The following ADAMTSL1 variants were observed in gnomAD, a reference collection of about 807,000 sequenced individuals.
The protein encoded by ADAMTSL1 is ADAMTS-like protein 1.
ADAMTSL1 carries 126 observed loss-of-function variants against 201.8 expected under a neutral mutation model. That is an observed-to-expected ratio of 0.62 (90% CI 0.54 to 0.72). ADAMTSL1 has a LOEUF of 0.72. Ranked by LOEUF, ADAMTSL1 falls within the 30% of genes least tolerant of loss-of-function variation. ADAMTSL1 has a pLI of 0.00. For synonymous variants in ADAMTSL1, 1,121 were observed against 903.4 expected (o/e 1.24, Z -4.32); for missense variants, 2,679 against 2,277.8 (o/e 1.18, Z -3.59).
At chr9:18,555,835 T>TA (rs1821077905) in intron 3 of ADAMTSL1, among the ~76,000 whole-genome samples, 4 of 151,726 alleles carry the variant, frequency 2.6e-5, no homozygotes, top group Admixed American at 2.6e-4. Context: ...TGGTAACAAA[T>TA]ACGAAGAAAA....
In ADAMTSL1 at chr9:18,770,719, T is replaced by G. The variant is rs575933116; in HGVS notation, c.2335T>G (p.Cys779Gly). The G allele has an allele frequency of 6.2e-7, 1 of 1,613,914 alleles. No individual in the cohort carries two copies. Among genetic ancestry groups the G allele is most frequent in the African/African-American group, 1.3e-5 (1 of 75,034 alleles). ...CTTCTGTTCAGCTTCAAAACCTGCC[T>G]GCCAGCAAGCATGCAAGAAAGATGA... is the stretch of plus-strand genomic sequence containing the variant. ...ETFCSASKPA[C>G]QQACKKDDCP... Residue 779 changes from cysteine (C) to glycine (G), a missense_variant, in exon 17 of 29, where the codon TGC (cysteine) becomes GGC (glycine). By Grantham distance (159) the Cys-to-Gly change is radical (BLOSUM62 -3). Transcript: ENST00000380548.
At chr9:17,930,863 T>A (rs965282890) in intron 1 of ADAMTSL1, among the ~76,000 whole-genome samples, 2 of 152,188 alleles carry the variant, frequency 1.3e-5, no homozygotes, top group African/African-American at 4.8e-5. Context: ...CAGGCTCTTG[T>A]GTAGCTGTAT....
intron 2 of ADAMTSL1, among the ~76,000 whole-genome samples, chr9:18,443,367 C>T (rs1820070390): frequency 6.6e-6 from 1 of 152,156 alleles, no homozygotes; most frequent in South Asian, 2.1e-4. Flanking sequence ...CTTTCTCCTT[C>T]AGTGTATAAT....
At chr9:18,518,863 A>G (rs533289729) in intron 2 of ADAMTSL1, among the ~76,000 whole-genome samples, 3 of 152,292 alleles carry the variant, frequency 2.0e-5, no homozygotes, top group Admixed American at 2.0e-4. Flanking sequence ...ATGCGCCATG[A>G]TACCTGGCTA....
At chr9:18,475,020 T>A (rs575690075) in intron 1 of ADAMTSL1, among the ~76,000 whole-genome samples, 1 of 152,206 alleles carries the variant, frequency 6.6e-6, no homozygotes, top group Non-Finnish European at 1.5e-5. Context: ...TTGTGACTCA[T>A]ACTTGGTTTT....
intron 23 of ADAMTSL1, among the ~76,000 whole-genome samples, chr9:18,853,017 C>T (rs575332765): frequency 2.0e-5 from 3 of 152,286 alleles, no homozygotes; most frequent in African/African-American, 7.2e-5. Flanking sequence ...TTCTTTGCTA[C>T]ACACTGAAAT....
chr9:17,952,936 C>T (rs1025715767), intron 1 of ADAMTSL1, among the ~76,000 whole-genome samples: 6 of 150,814 alleles, frequency 4.0e-5, no homozygotes, highest in African/African-American at 1.5e-4. Flanking sequence ...TCCTCCTCCT[C>T]CTCCTCCTCC....
intron 1 of ADAMTSL1, among the ~76,000 whole-genome samples, chr9:18,129,836 TAG>T (rs1825876443): frequency 1.3e-5 from 2 of 152,138 alleles, no homozygotes; most frequent in African/African-American, 2.4e-5. Context: ...AACAAGGAAG[TAG>T]CCTGAGGTCA....
intron 4 of ADAMTSL1, among the ~76,000 whole-genome samples, chr9:18,595,042 A>G (rs1027959754): frequency 6.6e-6 from 1 of 152,176 alleles, no homozygotes; most frequent in Non-Finnish European, 1.5e-5. Flanking sequence ...AGGATGTTCC[A>G]AGCCCTATCT....
At chr9:18,367,958 G>C (rs1291131907) in intron 2 of ADAMTSL1, among the ~76,000 whole-genome samples, 2 of 152,014 alleles carry the variant, frequency 1.3e-5, no homozygotes, top group Non-Finnish European at 2.9e-5. Context: ...GGAGTGCAGT[G>C]GCGCGATCTC....
At chr9:18,449,730 A>G (rs1041373693) in intron 2 of ADAMTSL1, among the ~76,000 whole-genome samples, 4 of 152,232 alleles carry the variant, frequency 2.6e-5, no homozygotes, top group Non-Finnish European at 5.9e-5. Flanking sequence ...TAAACAGAAA[A>G]TAGATACAGA....
At chr9:18,474,975 A>C (rs937432398) in intron 1 of ADAMTSL1, among the ~76,000 whole-genome samples, 2 of 152,212 alleles carry the variant, frequency 1.3e-5, no homozygotes, top group African/African-American at 4.8e-5. Context: ...GAACGTCAGT[A>C]CACATTGCAT....
At chr9:18,123,416 C>T (rs149535457) in intron 1 of ADAMTSL1, among the ~76,000 whole-genome samples, 2,630 of 152,270 alleles carry the variant, frequency 0.017, 30 homozygotes, top group Middle Eastern at 0.075. Context: ...AGAGGAAATA[C>T]ACTTATTTAA....
At chr9:18,370,279 T>A (rs1314585164) in intron 2 of ADAMTSL1, among the ~76,000 whole-genome samples, 2 of 145,548 alleles carry the variant, frequency 1.4e-5, no homozygotes, top group Admixed American at 6.9e-5. Context: ...AGACTCCATC[T>A]CAAAAAAAAA....
chr9:18,265,430 A>G (rs1370409485), intron 2 of ADAMTSL1, among the ~76,000 whole-genome samples: 1 of 152,138 alleles, frequency 6.6e-6, no homozygotes, highest in Non-Finnish European at 1.5e-5. Context: ...CCTGGTATTT[A>G]TTATACTTAA....
intron 1 of ADAMTSL1, among the ~76,000 whole-genome samples, chr9:17,984,518 C>T (rs994803803): frequency 6.6e-6 from 1 of 151,658 alleles, no homozygotes; most frequent in African/African-American, 2.4e-5. Context: ...GAAGTATGTA[C>T]CAATTGACAA....
intron 2 of ADAMTSL1, among the ~76,000 whole-genome samples, chr9:18,361,679 A>C (rs1193653492): frequency 6.6e-6 from 1 of 152,162 alleles, no homozygotes; most frequent in African/African-American, 2.4e-5. Flanking sequence ...GCAACACCAC[A>C]CTAATTTAGT....
chr9:18,592,734 A>T (rs753648780), intron 4 of ADAMTSL1, among the ~76,000 whole-genome samples: 1 of 152,012 alleles, frequency 6.6e-6, no homozygotes, highest in Non-Finnish European at 1.5e-5. Context: ...ACATCTTAGG[A>T]TTGTTTTTTC....
Position 18,892,440 on chromosome 9 carries a change from C to A in ADAMTSL1, c.4695C>A (p.Val1565=). 6.2e-7 allele frequency: 1 copy of A among 1,613,570 alleles called. No individual in the cohort carries two copies. Among genetic ancestry groups the A allele is most frequent in the South Asian group, 1.1e-5 (1 of 90,868 alleles). The change falls in exon 26 of 29, where the codon GTC becomes GTA. Residue 1565 remains valine (V), a synonymous_variant. Transcript: ENST00000380548. ...SACTRSCGGG[V]QTRRVTCQKL... is the part of the protein sequence containing the mutation. Reference sequence around the variant, plus strand: ...GTACCCGGAGCTGTGGGGGAGGTGTCCAGACCCGCAGGGTGACCTGTCAAA... The same window carrying A: ...GTACCCGGAGCTGTGGGGGAGGTGTACAGACCCGCAGGGTGACCTGTCAAA...
Sources: gnomAD v4.1 joint callset for allele counts (sites outside exome capture counted in the v4.1 genomes callset) on GRCh38, gnomAD v4.1.1 for gene constraint, MANE v1.5 for transcripts, NCBI Gene and HGNC (gene_info 2026-07-23, HGNC 2026-07-21) for gene names.